Variants in CRTAC1 observed in about 807,000 individuals in gnomAD.
CRTAC1 encodes acidic secreted protein in cartilage.
Under a neutral mutation model 67.8 loss-of-function variants are expected in CRTAC1, and 37 were observed. The ratio of observed to expected loss-of-function variants is 0.55; its 90% CI spans 0.42 to 0.72. CRTAC1 has a LOEUF of 0.72. Among genes scored for constraint, CRTAC1 ranks in the 30% least tolerant of loss-of-function variants. The pLI, the probability that CRTAC1 is intolerant of heterozygous loss-of-function variation, is 0.00. For synonymous variants in CRTAC1, 348 were observed against 371.0 expected, an observed-to-expected ratio of 0.94 and a Z score of 0.71; for missense variants, 780 against 931.6, an observed-to-expected ratio of 0.84 and a Z score of 2.12.
At chr10:97,941,468 A>G (rs1466420847) in intron 2 of CRTAC1, among the ~76,000 whole-genome samples, 2 of 152,110 alleles carry the variant, frequency 1.3e-5, no homozygotes, top group African/African-American at 2.4e-5. Context: ...GGTCAGATGC[A>G]TATCTCTGAC....
rs184477030 is a variant in CRTAC1 at position 97,961,968 on chromosome 10, C to G, written c.225-25602G>C. ...CTTGTGTCTCCTTTATGTCTGCTCT[C>G]TTTTTTAGAGGTGTCTTTTTTAGAA... On this transcript the variant is annotated intron_variant, in intron 2 of 14. Transcript: ENST00000370597. Among the ~76,000 whole-genome samples, 373 of 152,314 alleles carry G rather than the reference C, an allele frequency of 2.4e-3. No homozygotes were observed. In the Middle Eastern group the frequency reaches 0.027, roughly 11 times the overall value.
chr10:97,892,547 TA>T, intron 11 of CRTAC1, among the ~76,000 whole-genome samples: 1 of 152,210 alleles, frequency 6.6e-6, no homozygotes, highest in East Asian at 1.9e-4. Context: ...CCTTACTCTG[TA>T]GATGTGTGGT....
intron 11 of CRTAC1, among the ~76,000 whole-genome samples, chr10:97,885,519 T>C (rs1323583168): frequency 6.6e-6 from 1 of 152,216 alleles, no homozygotes; most frequent in Non-Finnish European, 1.5e-5. Flanking sequence ...GCCACATCAT[T>C]GGTGGAAAGC....
intron 2 of CRTAC1, among the ~76,000 whole-genome samples, chr10:97,970,466 T>G (rs1357469892): frequency 6.6e-6 from 1 of 152,224 alleles, no homozygotes; most frequent in Non-Finnish European, 1.5e-5. Context: ...CGTGGTCTGC[T>G]GCTGTGGCTG....
chr10:97,968,331 C>A (rs1165124264), intron 2 of CRTAC1, among the ~76,000 whole-genome samples: 1 of 152,314 alleles, frequency 6.6e-6, no homozygotes, highest in Admixed American at 6.5e-5. Flanking sequence ...CAACCTCCAC[C>A]TCCCAGGTTC....
chr10:97,957,722 G>A (rs570620085), intron 2 of CRTAC1, among the ~76,000 whole-genome samples: 1 of 152,182 alleles, frequency 6.6e-6, no homozygotes, highest in South Asian at 2.1e-4. Context: ...AAAAATGCAG[G>A]GACTGTCCTC....
intron 14 of CRTAC1, among the ~76,000 whole-genome samples, chr10:97,874,485 C>T (rs1365178004): frequency 2.0e-5 from 3 of 152,202 alleles, no homozygotes; most frequent in Non-Finnish European, 4.4e-5. Context: ...CATTTGCCAT[C>T]TTTTTCTGGT....
chr10:97,997,629 A>T (rs1842609095), intron 2 of CRTAC1, among the ~76,000 whole-genome samples: 1 of 152,184 alleles, frequency 6.6e-6, no homozygotes, highest in East Asian at 1.9e-4. Context: ...AATACAGATT[A>T]TAACTATGTA....
At chr10:97,889,123 G>A (rs1273903804) in intron 11 of CRTAC1, among the ~76,000 whole-genome samples, 1 of 149,276 alleles carries the variant, frequency 6.7e-6, no homozygotes, top group African/African-American at 2.5e-5. Flanking sequence ...AGTGGAGGCG[G>A]GAGGGAAGGG....
At position 97,965,344 on chromosome 10, in the gene CRTAC1, AT is replaced by A. The variant is rs540671203; in HGVS notation, c.225-28979del. Among the ~76,000 whole-genome samples, 215 of 152,310 alleles carry A rather than the reference AT, an allele frequency of 1.4e-3. 2 individuals carry two copies. The highest frequency in any genetic ancestry group is 4.9e-3 in the African/African-American group (205 of 41,564). Reference sequence around the variant, plus strand: ...TGAAGTAGGTTCTATTAGTATCCTCATTTTAAAGATGAGGAAACTGAGGCAA... The same window carrying A: ...TGAAGTAGGTTCTATTAGTATCCTCATTTAAAGATGAGGAAACTGAGGCAA... On this transcript the variant is annotated intron_variant, in intron 2 of 14. Coordinates refer to ENST00000370597, the MANE Select transcript of CRTAC1 (RefSeq NM_018058.7).
chr10:97,912,081 T>C (rs1042683674), intron 5 of CRTAC1, among the ~76,000 whole-genome samples: 5 of 152,018 alleles, frequency 3.3e-5, no homozygotes, highest in African/African-American at 1.2e-4. Flanking sequence ...TTCCTGGGCT[T>C]CTGTTTTCTC....
At chr10:97,874,522 C>T (rs190525850) in intron 14 of CRTAC1, among the ~76,000 whole-genome samples, 160 of 152,226 alleles carry the variant, frequency 1.1e-3, no homozygotes, top group African/African-American at 3.5e-3. Context: ...CAGAGGTGGC[C>T]CCGTCCTGCC....
chr10:97,896,252 C>T (rs2050457428), intron 9 of CRTAC1, among the ~76,000 whole-genome samples: 1 of 152,186 alleles, frequency 6.6e-6, no homozygotes, highest in African/African-American at 2.4e-5. Context: ...ACATGGTCTT[C>T]TTTCTGGTCT....
chr10:97,898,295 G>A (rs550127584), intron 8 of CRTAC1, among the ~76,000 whole-genome samples: 4 of 152,364 alleles, frequency 2.6e-5, no homozygotes, highest in Non-Finnish European at 4.4e-5. Flanking sequence ...TCAGAGGGCT[G>A]AAGGCCTAGG....
intron 4 of CRTAC1, among the ~76,000 whole-genome samples, chr10:97,920,182 C>T (rs1233313355): frequency 6.6e-6 from 1 of 152,186 alleles, no homozygotes; most frequent in East Asian, 1.9e-4. Flanking sequence ...CCCGACCCTA[C>T]CAGCTGGCAG....
At chr10:97,907,187 C>T (rs563769212) in intron 6 of CRTAC1, among the ~76,000 whole-genome samples, 2 of 152,192 alleles carry the variant, frequency 1.3e-5, no homozygotes, top group Non-Finnish European at 2.9e-5. Context: ...TTGTAAAGCT[C>T]ATAGACAAAC....
chr10:97,973,774 A>G (rs2051752768), intron 2 of CRTAC1, among the ~76,000 whole-genome samples: 1 of 151,946 alleles, frequency 6.6e-6, no homozygotes, highest in African/African-American at 2.4e-5. Flanking sequence ...TACCATTGTC[A>G]CTGACCTTTC....
At chr10:97,981,195 A>G (rs1040623120) in intron 2 of CRTAC1, among the ~76,000 whole-genome samples, 10 of 152,264 alleles carry the variant, frequency 6.6e-5, no homozygotes, top group African/African-American at 2.4e-4. Context: ...TATGATCATT[A>G]AAAGTCTTTC....
intron 2 of CRTAC1, among the ~76,000 whole-genome samples, chr10:97,957,894 C>A (rs931243754): frequency 6.6e-6 from 1 of 152,150 alleles, no homozygotes; most frequent in African/African-American, 2.4e-5. Flanking sequence ...CAATCTTTAA[C>A]ACATATCATA....
Sources: allele counts gnomAD v4.1 joint callset (sites outside exome capture counted in the v4.1 genomes callset), GRCh38; gene constraint gnomAD v4.1.1; transcripts MANE v1.5; gene names NCBI Gene and HGNC (gene_info 2026-07-23, HGNC 2026-07-21).